The following SH3YL1 variants were observed in gnomAD, a reference collection of about 807,000 sequenced individuals.
The protein encoded by SH3YL1 is SH3 domain-containing YSC84-like protein 1.
In SH3YL1, 41 loss-of-function variants were observed where a neutral mutation model predicts 45.8. The observed-to-expected ratio is 0.89, with a 90% CI of 0.70 to 1.16. The LOEUF (loss-of-function observed/expected upper bound fraction) is 1.16. SH3YL1 is among the 50% of genes most tolerant of loss of function. SH3YL1 has a pLI of 0.00. For synonymous variants in SH3YL1, 152 were observed against 151.4 expected, an observed-to-expected ratio of 1.00 and a Z score of -0.03; for missense variants, 389 against 409.6, an observed-to-expected ratio of 0.95 and a Z score of 0.43.
intron 9 of SH3YL1, among the ~76,000 whole-genome samples, chr2:220,704 T>C (rs1259028213): frequency 1.3e-5 from 2 of 152,140 alleles, no homozygotes; most frequent in African/African-American, 2.4e-5. Context: ...TAAAGAAAAA[T>C]CCATCCTGGA....
chr2:256,334 T>C (rs1030660611), intron 1 of SH3YL1: 2 of 152,252 alleles, frequency 1.3e-5, no homozygotes, highest in Non-Finnish European at 2.9e-5. Context: ...AATTGGGTTG[T>C]TTCCAGCTTT....
At position 218,749 on chromosome 2, in the gene SH3YL1, T is replaced by C. The variant is rs1021678824; in HGVS notation, c.*62A>G. On this transcript the variant is annotated 3_prime_UTR_variant, in exon 10 of 10. Coordinates refer to ENST00000356150, the MANE Select transcript of SH3YL1 (RefSeq NM_015677.4). The stretch of plus-strand genomic sequence containing the variant: ...TTTATATTAAACATTGCTTAACTAG[T>C]AAATCCTGTCAGTGTAGAAATAATT... 1.3e-4 allele frequency: 180 copies of C among 1,361,258 alleles called. No individual in the cohort carries two copies. Among genetic ancestry groups the C allele is most frequent in the Non-Finnish European group, 1.7e-4 (172 of 1,004,252 alleles). 84.3% of individuals were successfully genotyped at this position (1,361,258 alleles called of 1,614,324 possible).
chr2:226,817 T>C (rs1667802466), intron 8 of SH3YL1, among the ~76,000 whole-genome samples: 1 of 150,574 alleles, frequency 6.6e-6, no homozygotes, highest in African/African-American at 2.5e-5. Context: ...GGAGAATACA[T>C]ATACTGGGGA....
Position 227,829 on chromosome 2 carries a change from G to GA in SH3YL1, c.781+2136dup, listed in dbSNP as rs199891157. Among the ~76,000 whole-genome samples, 835 of 151,384 alleles carry GA rather than the reference G, an allele frequency of 5.5e-3. 3 individuals are homozygous for GA. Among genetic ancestry groups the GA allele is most frequent in the Admixed American group, 0.011 (162 of 15,192 alleles). ...AAGGAAGCAACACAACAAAGGAAAA[G>GA]AAAAAAAATACTGCCTTCACAGACC... On this transcript the variant is annotated intron_variant, in intron 8 of 9. Transcript: ENST00000356150.
chr2:249,384 T>C (rs1668975417), intron 3 of SH3YL1, among the ~76,000 whole-genome samples: 1 of 152,176 alleles, frequency 6.6e-6, no homozygotes, highest in Non-Finnish European at 1.5e-5. Flanking sequence ...AGAAAGCAGC[T>C]ACACCATGAA....
chr2:243,013 C>A (rs1219409771), intron 4 of SH3YL1: 15 of 533,912 alleles, frequency 2.8e-5, no homozygotes, highest in Admixed American at 4.3e-5. Context: ...ATATCGGAGA[C>A]CCAAATACAT....
At chr2:219,066 TA>T in intron 9 of SH3YL1, 65 bp from the exon 10 acceptor site, 1 of 1,404,422 alleles carries the variant, frequency 7.1e-7, no homozygotes, top group South Asian at 1.4e-5. Context: ...TATCTGCTGG[TA>T]AGATAAAAAT....
At position 231,075 on chromosome 2, in the gene SH3YL1, T is replaced by A. The variant is rs774322075; in HGVS notation, c.650A>T (p.Glu217Val). Residue 217 changes from glutamate to valine, a missense_variant, in exon 7 of 10, where the codon GAA (glutamate) becomes GTA (valine). Glu to Val is a moderately radical substitution (Grantham distance 121, BLOSUM62 -2). Coordinates refer to ENST00000356150, the MANE Select transcript of SH3YL1 (RefSeq NM_015677.4). Reference sequence around the variant, plus strand: ...TTTTCTTGCATTGATTCGTTGTCCTTCATTTTCATACTTTTCAGTAAAGGA... The same window carrying A: ...TTTTCTTGCATTGATTCGTTGTCCTACATTTTCATACTTTTCAGTAAAGGA... Reference protein sequence around the residue: ...LDSFTEKYENEGQRINARKAA... With the variant: ...LDSFTEKYENVGQRINARKAA... 6.2e-7 allele frequency: 1 copy of A among 1,614,148 alleles called. No homozygotes were observed. The highest frequency in any genetic ancestry group is 1.7e-5 in the Admixed American group (1 of 60,020).
chr2:254,930 C>CTATCTATTT (rs1336804869), intron 1 of SH3YL1, among the ~76,000 whole-genome samples: 8 of 152,108 alleles, frequency 5.3e-5, no homozygotes, highest in Non-Finnish European at 1.2e-4. Flanking sequence ...TGTTTGTCTT[C>CTATCTATTT]TATCTATTTA....
chr2:243,563 C>A lies in SH3YL1; in HGVS notation c.291+3975G>T, dbSNP rs1229702696. 6.1e-6 allele frequency: 9 copies of A among 1,471,520 alleles called. No homozygotes were observed. The South Asian group carries it at 1.2e-4, about 19-fold the overall frequency. 91.2% of individuals were successfully genotyped at this position (1,471,520 alleles called of 1,614,324 possible). A position where few individuals can be genotyped will look rare whatever the true frequency, so the allele number is the denominator to read the frequency against. On this transcript the variant is annotated intron_variant, in intron 4 of 9. Transcript: ENST00000356150. ...AGGGAATATGTAGCTGTAAATGTGT[C>A]TATTAAAAAAAAAACAGACCTCGAG...
chr2:236,595 T>C (rs1668312089), intron 4 of SH3YL1, among the ~76,000 whole-genome samples: 1 of 152,174 alleles, frequency 6.6e-6, no homozygotes, highest in African/African-American at 2.4e-5. Context: ...AATTTCCTTC[T>C]CTGGAAAATG....
intron 4 of SH3YL1, among the ~76,000 whole-genome samples, chr2:234,743 C>T (rs1668209187): frequency 6.6e-6 from 1 of 152,196 alleles, no homozygotes; most frequent in Admixed American, 6.5e-5. Flanking sequence ...CCTTTCTACA[C>T]TCTCCTCCTG....
intron 8 of SH3YL1, among the ~76,000 whole-genome samples, chr2:229,364 G>A (rs79538194): frequency 1.3e-5 from 2 of 152,232 alleles, no homozygotes; most frequent in African/African-American, 2.4e-5. Context: ...GAAGGATAAC[G>A]GTTTTTGGAA....
chr2:237,147 C>A (rs1558240926), intron 4 of SH3YL1, among the ~76,000 whole-genome samples: 1 of 134,844 alleles, frequency 7.4e-6, no homozygotes, highest in African/African-American at 2.8e-5. Flanking sequence ...ATTTCCCACT[C>A]GGAAAATACA....
chr2:221,023 G>A (rs191882239), intron 9 of SH3YL1, among the ~76,000 whole-genome samples: 5 of 102,972 alleles, frequency 4.9e-5, no homozygotes, highest in Admixed American at 1.8e-4. Context: ...AGCAGCCACC[G>A]CGAACTGCTC....
intron 1 of SH3YL1, among the ~76,000 whole-genome samples, chr2:254,353 T>C (rs552513819): frequency 4.4e-4 from 67 of 152,298 alleles, no homozygotes; most frequent in Non-Finnish European, 8.4e-4. Context: ...ATCGAGAAGA[T>C]AGACTATTCT....
intron 6 of SH3YL1, among the ~76,000 whole-genome samples, chr2:232,254 A>C (rs62114502): frequency 6.6e-6 from 1 of 150,734 alleles, no homozygotes; most frequent in Admixed American, 6.6e-5. Flanking sequence ...TTTTTTTTAA[A>C]TCAAACTGTA....
intron 2 of SH3YL1, among the ~76,000 whole-genome samples, chr2:251,147 A>G (rs1325975284): frequency 6.6e-6 from 1 of 152,226 alleles, no homozygotes; most frequent in East Asian, 1.9e-4. Flanking sequence ...ATTCAGGGAC[A>G]CTAACATATT....
At chr2:253,899 T>C (rs1422431754) in intron 1 of SH3YL1, among the ~76,000 whole-genome samples, 1 of 152,112 alleles carries the variant, frequency 6.6e-6, no homozygotes, top group Non-Finnish European at 1.5e-5. Flanking sequence ...CAGTATCATC[T>C]CTATTTCTCC....
Sources: gnomAD v4.1 joint callset for allele counts (sites outside exome capture counted in the v4.1 genomes callset) on GRCh38, gnomAD v4.1.1 for gene constraint, MANE v1.5 for transcripts, NCBI Gene and HGNC (gene_info 2026-07-23, HGNC 2026-07-21) for gene names.